The following KSR2 variants were observed in gnomAD, a reference collection of about 807,000 sequenced individuals.
The protein encoded by KSR2 is kinase suppressor of ras 2.
In KSR2, 25 loss-of-function variants were observed where a neutral mutation model predicts 107.8. That is an observed-to-expected ratio of 0.23 (90% CI 0.17 to 0.32). The LOEUF is 0.32. Among genes scored for constraint, KSR2 ranks in the 10% least tolerant of loss-of-function variants. KSR2 has a pLI of 1.00. For missense variants in KSR2, 887 were observed against 1,268.9 expected, an observed-to-expected ratio of 0.70 and a Z score of 4.57; for synonymous variants, 480 against 507.0, an observed-to-expected ratio of 0.95 and a Z score of 0.71.
At chr12:117,838,537 C>T (rs1043625631) in intron 3 of KSR2, among the ~76,000 whole-genome samples, 1 of 152,178 alleles carries the variant, frequency 6.6e-6, no homozygotes, top group Non-Finnish European at 1.5e-5. Flanking sequence ...CAGGTACTAG[C>T]TGTGTGACCC....
intron 14 of KSR2, among the ~76,000 whole-genome samples, chr12:117,510,770 C>T (rs555780455): frequency 2.0e-4 from 30 of 151,154 alleles, no homozygotes; most frequent in Admixed American, 4.6e-4. Context: ...CCCAACTACT[C>T]GGGAGGCTGA....
intron 5 of KSR2, among the ~76,000 whole-genome samples, chr12:117,601,234 C>T (rs1880926121): frequency 6.6e-6 from 1 of 151,112 alleles, no homozygotes; most frequent in South Asian, 2.1e-4. Flanking sequence ...TCTACTCAGC[C>T]TCCGAGTGCA....
chr12:117,573,058 G>A (rs1044353385), intron 7 of KSR2, among the ~76,000 whole-genome samples: 12 of 152,180 alleles, frequency 7.9e-5, no homozygotes, highest in Non-Finnish European at 1.2e-4. Context: ...AGATGAAAAC[G>A]CCTCAATTTA....
chr12:117,964,962 C>A (rs562658234), intron 1 of KSR2, among the ~76,000 whole-genome samples: 12 of 152,330 alleles, frequency 7.9e-5, no homozygotes, highest in East Asian at 7.7e-4. Flanking sequence ...ACTAGCAGAG[C>A]CCTGATTTTG....
At chr12:117,703,254 G>A (rs1479355147) in intron 4 of KSR2, among the ~76,000 whole-genome samples, 2 of 152,190 alleles carry the variant, frequency 1.3e-5, no homozygotes, top group Non-Finnish European at 2.9e-5. Context: ...ACATAGAAGA[G>A]GAATTGATTT....
At chr12:117,740,505 CA>C (rs1888154423) in intron 4 of KSR2, among the ~76,000 whole-genome samples, 5 of 116,444 alleles carry the variant, frequency 4.3e-5, no homozygotes, top group Non-Finnish European at 9.0e-5. Flanking sequence ...TTATATATTA[CA>C]TTTATATAAT....
At chr12:117,606,905 A>G (rs10735108) in intron 5 of KSR2, among the ~76,000 whole-genome samples, 138,378 of 152,074 alleles carry the variant, frequency 0.91, 63,214 homozygotes, top group East Asian at 0.99. Context: ...GGGAAGAGGG[A>G]GAAAAAGATT....
chr12:117,498,152 T>C (rs1397797569), intron 14 of KSR2, among the ~76,000 whole-genome samples: 1 of 152,052 alleles, frequency 6.6e-6, no homozygotes, highest in East Asian at 1.9e-4. Flanking sequence ...GACTCAAACC[T>C]TCACCTCTTT....
chr12:117,766,539 T>C (rs930406809), intron 3 of KSR2, among the ~76,000 whole-genome samples: 1 of 152,214 alleles, frequency 6.6e-6, no homozygotes, highest in African/African-American at 2.4e-5. Flanking sequence ...TGATTAATTT[T>C]ATGTTATGTG....
chr12:117,868,019 T>C (rs1044060327), intron 1 of KSR2, among the ~76,000 whole-genome samples: 6 of 152,240 alleles, frequency 3.9e-5, no homozygotes, highest in Admixed American at 6.5e-5. Context: ...CACTGTGTTA[T>C]AGAATTATTC....
chr12:117,761,055 G>A lies in KSR2; in HGVS notation c.942C>T (p.His314=), dbSNP rs777472637. 6.2e-7 allele frequency: 1 copy of A among 1,613,770 alleles called. No homozygotes were observed. Among genetic ancestry groups the A allele is most frequent in the Non-Finnish European group, 8.5e-7 (1 of 1,179,736 alleles). The stretch of plus-strand genomic sequence containing the variant: ...CCACGCGGTGCCCCAGCTGGAACTC[G>A]TGGGATTTGCTCCGATGCAGCGCGG... ...GFTALHRSKS[H]EFQLGHRVDE... is the part of the protein sequence containing the mutation. Residue 314 remains histidine, a synonymous_variant, in exon 4 of 20, where the codon CAC becomes CAT. Transcript: ENST00000339824.
chr12:117,950,059 C>T (rs1222401635), intron 1 of KSR2, among the ~76,000 whole-genome samples: 2 of 150,892 alleles, frequency 1.3e-5, no homozygotes, highest in African/African-American at 2.4e-5. Flanking sequence ...CTGCAACCTC[C>T]GCCTCCTGGG....
At chr12:117,548,907 A>C (rs1362996446) in intron 9 of KSR2, among the ~76,000 whole-genome samples, 1 of 152,186 alleles carries the variant, frequency 6.6e-6, no homozygotes, top group Non-Finnish European at 1.5e-5. Context: ...CAAGCTATAG[A>C]ATTTTCCCTG....
chr12:117,643,237 G>A (rs1482391158), intron 5 of KSR2, among the ~76,000 whole-genome samples: 4 of 152,194 alleles, frequency 2.6e-5, no homozygotes, highest in Admixed American at 2.0e-4. Flanking sequence ...GGCCGGAAGC[G>A]CAAGACCAGC....
Position 117,893,346 on chromosome 12 carries a change from CA to C in KSR2, c.181-32916del, listed in dbSNP as rs576503562. ...CATATATAGACTAAAAATGTCTTTT[CA>C]AAAAAAGTGACCAAGTCTCCAAAGA... On this transcript the variant is annotated intron_variant, in intron 1 of 19. Transcript: ENST00000339824. 3.2e-4 allele frequency among the ~76,000 whole-genome samples: 48 copies of C among 152,056 alleles called. No homozygotes were observed. The South Asian group carries it at 1.0e-2, about 32-fold the overall frequency.
At chr12:117,701,942 A>T (rs1886342517) in intron 4 of KSR2, among the ~76,000 whole-genome samples, 1 of 152,244 alleles carries the variant, frequency 6.6e-6, no homozygotes, top group African/African-American at 2.4e-5. Flanking sequence ...TATTGCTTTC[A>T]GCCATCAAAT....
At chr12:117,671,152 TTG>T (rs1277905058) in intron 4 of KSR2, among the ~76,000 whole-genome samples, 1 of 152,164 alleles carries the variant, frequency 6.6e-6, no homozygotes, top group Non-Finnish European at 1.5e-5. Flanking sequence ...TAAACCCTAC[TTG>T]TCTTTTATGA....
chr12:117,944,842 A>G (rs1289224315), intron 1 of KSR2, among the ~76,000 whole-genome samples: 2 of 152,162 alleles, frequency 1.3e-5, no homozygotes, highest in African/African-American at 4.8e-5. Flanking sequence ...TGGGCAACAG[A>G]GTGAGACCCT....
chr12:117,647,671 G>A (rs7953172), intron 5 of KSR2, among the ~76,000 whole-genome samples: 4,694 of 152,150 alleles, frequency 0.031, 246 homozygotes, highest in African/African-American at 0.11. Flanking sequence ...GGAGATCAGG[G>A]GAGGGGCCAG....
Sources: gnomAD v4.1 joint callset for allele counts (sites outside exome capture counted in the v4.1 genomes callset) on GRCh38, gnomAD v4.1.1 for gene constraint, MANE v1.5 for transcripts, NCBI Gene and HGNC (gene_info 2026-07-23, HGNC 2026-07-21) for gene names.